Variants in CD247 observed in about 807,000 individuals in gnomAD.
The protein encoded by CD247 is CD247 molecule.
Under a neutral mutation model 30.0 loss-of-function variants are expected in CD247, and 13 were observed. That is an observed-to-expected ratio of 0.43 (90% CI 0.28 to 0.69). The LOEUF (loss-of-function observed/expected upper bound fraction) is 0.69. CD247 is among the 30% of genes least tolerant of loss of function. The pLI, the probability that CD247 is intolerant of heterozygous loss-of-function variation, is 0.16. For synonymous variants in CD247, 72 were observed against 80.0 expected, an observed-to-expected ratio of 0.90 and a Z score of 0.53; for missense variants, 193 against 212.6, an observed-to-expected ratio of 0.91 and a Z score of 0.57.
At chr1:167,467,353 T>C (rs1653303033) in intron 1 of CD247, among the ~76,000 whole-genome samples, 1 of 152,234 alleles carries the variant, frequency 6.6e-6, no homozygotes, top group Non-Finnish European at 1.5e-5. Context: ...AACCATGCCT[T>C]GCTTTCCCAC....
intron 1 of CD247, among the ~76,000 whole-genome samples, chr1:167,473,005 C>A (rs1285472163): frequency 6.6e-6 from 1 of 152,112 alleles, no homozygotes; most frequent in Non-Finnish European, 1.5e-5. Context: ...GCCTGACCAC[C>A]TTTGCCCTCC....
At chr1:167,440,370 T>G in intron 2 of CD247, 2 of 469,750 alleles carry the variant, frequency 4.3e-6, no homozygotes, top group South Asian at 4.2e-5. Flanking sequence ...TGTAAGCCCC[T>G]TTGTCACCAG....
chr1:167,492,262 T>C (rs549691904), intron 1 of CD247, among the ~76,000 whole-genome samples: 2 of 152,290 alleles, frequency 1.3e-5, no homozygotes, highest in Admixed American at 6.5e-5. Flanking sequence ...ACAGTTGACA[T>C]GTGTGAAGGA....
Position 167,467,683 on chromosome 1 carries a change from G to A in CD247, c.59-26916C>T, listed in dbSNP as rs556182259. On this transcript the variant is annotated intron_variant, in intron 1 of 7. Transcript: ENST00000362089. ...AGTTCTGAGCTTCTGCTTTATTATC[G>A]GATTTATTTGTCTGTCTGCACATCC... Among the ~76,000 whole-genome samples, 73 of 152,132 alleles carry A rather than the reference G, an allele frequency of 4.8e-4. 2 individuals are homozygous for A. The South Asian group carries it at 6.0e-3, about 13-fold the overall frequency.
intron 1 of CD247, among the ~76,000 whole-genome samples, chr1:167,499,278 C>T (rs1392287163): frequency 2.0e-5 from 3 of 152,146 alleles, no homozygotes; most frequent in Non-Finnish European, 4.4e-5. Flanking sequence ...CTCCCTGGTG[C>T]CCACAGCCAC....
intron 1 of CD247, among the ~76,000 whole-genome samples, chr1:167,460,753 C>T (rs1165900844): frequency 2.6e-5 from 4 of 152,174 alleles, no homozygotes; most frequent in South Asian, 2.1e-4. Context: ...CCTGACCCCC[C>T]GACAGGCCCT....
chr1:167,493,952 A>C (rs1654564712), intron 1 of CD247, among the ~76,000 whole-genome samples: 1 of 152,134 alleles, frequency 6.6e-6, no homozygotes, highest in African/African-American at 2.4e-5. Context: ...AAAATACCCT[A>C]TATGCTCTCA....
intron 1 of CD247, among the ~76,000 whole-genome samples, chr1:167,510,880 A>C (rs1456129408): frequency 1.3e-5 from 2 of 152,158 alleles, no homozygotes; most frequent in Non-Finnish European, 2.9e-5. Flanking sequence ...CTGCTGCAGC[A>C]CTTGAATACT....
chr1:167,431,238 TGAA>T lies in CD247; in HGVS notation c.*440_*442del. The T allele has an allele frequency of 2.0e-6, 1 of 491,014 alleles. No homozygotes were observed. The highest frequency in any genetic ancestry group is 3.6e-6 in the Non-Finnish European group (1 of 280,446). 30.4% of individuals were successfully genotyped at this position (491,014 alleles called of 1,614,324 possible). A position where few individuals can be genotyped will look rare whatever the true frequency, so the allele number is the denominator to read the frequency against. ...CCAGTACAGTTACCTTGAAAGGAGG[TGAA>T]GGTGACAACAGAAGCCAAATTTACA... On this transcript the variant is annotated 3_prime_UTR_variant, in exon 8 of 8. Transcript: ENST00000362089.
intron 1 of CD247, among the ~76,000 whole-genome samples, chr1:167,466,421 T>A (rs533128586): frequency 2.6e-5 from 4 of 152,266 alleles, no homozygotes; most frequent in African/African-American, 9.6e-5. Context: ...TCTTTTTTTT[T>A]TTAAATATTA....
At chr1:167,496,264 C>A (rs543300290) in intron 1 of CD247, among the ~76,000 whole-genome samples, 24 of 152,248 alleles carry the variant, frequency 1.6e-4, no homozygotes, top group African/African-American at 5.5e-4. Flanking sequence ...CAGTAGTGTT[C>A]CCAGAAGTCT....
chr1:167,487,015 A>C (rs965464568), intron 1 of CD247, among the ~76,000 whole-genome samples: 4 of 144,340 alleles, frequency 2.8e-5, no homozygotes, highest in Non-Finnish European at 4.5e-5. Context: ...TGGAGGTTGC[A>C]GTGAGTCGAG....
chr1:167,431,349 A>G lies in CD247; in HGVS notation c.*332T>C, dbSNP rs1651256304. 1.7e-6 allele frequency: 1 copy of G among 595,730 alleles called. No individual in the cohort carries two copies. Among genetic ancestry groups the G allele is most frequent in the African/African-American group, 1.9e-5 (1 of 53,818 alleles). 36.9% of individuals were successfully genotyped at this position (595,730 alleles called of 1,614,324 possible). On this transcript the variant is annotated 3_prime_UTR_variant, in exon 8 of 8. Coordinates refer to ENST00000362089, the MANE Select transcript of CD247 (RefSeq NM_198053.3). Reference sequence around the variant, plus strand: ...TCTGCGCTTTCTCTGGGGACTTTACAAAACAGACTCAACAACTCAGCTGTG... The same window carrying G: ...TCTGCGCTTTCTCTGGGGACTTTACGAAACAGACTCAACAACTCAGCTGTG...
At position 167,446,341 on chromosome 1, in the gene CD247, A is replaced by C. The variant is rs558943865; in HGVS notation, c.59-5574T>G. 1.5e-3 allele frequency among the ~76,000 whole-genome samples: 229 copies of C among 152,298 alleles called. 1 individual carries two copies. Among genetic ancestry groups the C allele is most frequent in the Non-Finnish European group, 2.6e-3 (176 of 68,022 alleles). On this transcript the variant is annotated intron_variant, in intron 1 of 7. Coordinates refer to ENST00000362089, the MANE Select transcript of CD247 (RefSeq NM_198053.3). ...CCTCACCCGCACATCACAGGCTTAG[A>C]GAAGAGCAAAGAACATAATAAGTCT...
At chr1:167,456,316 G>C (rs572086667) in intron 1 of CD247, among the ~76,000 whole-genome samples, 3 of 152,178 alleles carry the variant, frequency 2.0e-5, no homozygotes, top group Admixed American at 1.3e-4. Context: ...GAGGGACCAC[G>C]GTACGGAGGG....
intron 5 of CD247, chr1:167,434,630 G>A (rs563975640): frequency 2.6e-6 from 1 of 379,732 alleles, no homozygotes; most frequent in East Asian, 7.2e-5. Flanking sequence ...GAAGACTTCA[G>A]CACCCAGGAC....
intron 1 of CD247, among the ~76,000 whole-genome samples, chr1:167,513,886 C>A (rs1655493236): frequency 6.6e-6 from 1 of 152,158 alleles, no homozygotes; most frequent in South Asian, 2.1e-4. Context: ...CTTAAACCAT[C>A]CTTACAACTC....
chr1:167,475,880 G>A (rs955780796), intron 1 of CD247, among the ~76,000 whole-genome samples: 2 of 152,128 alleles, frequency 1.3e-5, no homozygotes, highest in Admixed American at 6.6e-5. Context: ...TGGATAAAAT[G>A]AACTGTGAAG....
intron 1 of CD247, among the ~76,000 whole-genome samples, chr1:167,510,114 T>C (rs1397998642): frequency 6.6e-6 from 1 of 152,168 alleles, no homozygotes; most frequent in Non-Finnish European, 1.5e-5. Flanking sequence ...GTTGAAGTAA[T>C]GTTTGCCCTT....
Sources: gnomAD v4.1 joint callset for allele counts (sites outside exome capture counted in the v4.1 genomes callset) on GRCh38, gnomAD v4.1.1 for gene constraint, MANE v1.5 for transcripts, NCBI Gene and HGNC (gene_info 2026-07-23, HGNC 2026-07-21) for gene names.